PRRG1: variants seen among roughly 807,000 people sequenced by gnomAD.
PRRG1 encodes the protein proline rich and Gla domain 1, also known as transmembrane gamma-carboxyglutamic acid protein 1.
Under a neutral mutation model 11.8 loss-of-function variants are expected in PRRG1, and 5 were observed. That is an observed-to-expected ratio of 0.42 (90% CI 0.22 to 0.89). The LOEUF (loss-of-function observed/expected upper bound fraction) is 0.89. PRRG1 is among the 40% of genes least tolerant of loss of function. PRRG1 has a pLI of 0.28. For synonymous variants in PRRG1, 66 were observed against 60.4 expected, an observed-to-expected ratio of 1.09 and a Z score of -0.43; for missense variants, 155 against 166.1, an observed-to-expected ratio of 0.93 and a Z score of 0.37.
Position 37,406,508 on chromosome X carries a change from A to G in PRRG1, c.10+249A>G, listed in dbSNP as rs782654421. Among the ~76,000 whole-genome samples, 7 of 109,656 alleles carry G rather than the reference A, an allele frequency of 6.4e-5. No homozygotes were observed. The East Asian group carries it at 2.0e-3, about 31-fold the overall frequency. On this transcript the variant is annotated intron_variant, in intron 2 of 3. Transcript: ENST00000378628. ...GGAGAGATGGATCAAGCTTGATACTATATATATAGTATATACTATTTTATA... is the reference window on the plus strand; with the variant it reads ...GGAGAGATGGATCAAGCTTGATACTGTATATATAGTATATACTATTTTATA...
chrX:37,416,869 T>C (rs1556385368), intron 2 of PRRG1, among the ~76,000 whole-genome samples: 1 of 111,946 alleles, frequency 8.9e-6, no homozygotes, highest in East Asian at 2.8e-4. Flanking sequence ...TGCCTTCCTC[T>C]GTGGGAGAAT....
chrX:37,392,591 G>A (rs1392011228), intron 1 of PRRG1, among the ~76,000 whole-genome samples: 5 of 102,939 alleles, frequency 4.9e-5, no homozygotes, highest in African/African-American at 1.4e-4. Flanking sequence ...CTGGGAGGCA[G>A]AGGCTGCAGT....
At chrX:37,412,244 C>T (rs782355153) in intron 2 of PRRG1, among the ~76,000 whole-genome samples, 4 of 111,655 alleles carry the variant, frequency 3.6e-5, no homozygotes, top group Non-Finnish European at 7.5e-5. Flanking sequence ...GGAACTCAAA[C>T]ATATCCCCCT....
At chrX:37,436,206 G>A (rs1256833785) in intron 3 of PRRG1, among the ~76,000 whole-genome samples, 2 of 110,989 alleles carry the variant, frequency 1.8e-5, no homozygotes, top group African/African-American at 6.6e-5. Flanking sequence ...CTTTTGTCTG[G>A]GTGCATCATC....
At chrX:37,381,548 C>G (rs782131109) in intron 1 of PRRG1, among the ~76,000 whole-genome samples, 32 of 111,332 alleles carry the variant, frequency 2.9e-4, no homozygotes, top group Non-Finnish European at 5.5e-4. Context: ...GCATTGGCTA[C>G]TAGGAGGTTT....
Position 37,438,430 on chromosome X carries a change from C to CTT in PRRG1, c.171+12452_171+12453dup, listed in dbSNP as rs782783420. Reference sequence around the variant, plus strand: ...GATTCGTTGAAAGCAGAATTTTTTCCTTTTTTTTTTTTTTTTTTTTTTTGA... The same window carrying CTT: ...GATTCGTTGAAAGCAGAATTTTTTCCTTTTTTTTTTTTTTTTTTTTTTTTTGA... On this transcript the variant is annotated intron_variant, in intron 3 of 3. Coordinates refer to ENST00000378628, the MANE Select transcript of PRRG1 (RefSeq NM_001142395.2). Among the ~76,000 whole-genome samples, 283 of 68,921 alleles carry CTT rather than the reference C, an allele frequency of 4.1e-3. 2 individuals are homozygous for CTT. The highest frequency in any genetic ancestry group is 0.012 in the African/African-American group (208 of 17,233). 59.8% of individuals were successfully genotyped at this position (68,921 alleles called of 115,157 possible).
At chrX:37,430,709 GTTT>G (rs1366053004) in intron 3 of PRRG1, among the ~76,000 whole-genome samples, 1 of 111,401 alleles carries the variant, frequency 9.0e-6, no homozygotes, top group Non-Finnish European at 1.9e-5. Flanking sequence ...CCTTTACTCA[GTTT>G]CCCCCAATGG....
chrX:37,388,777 C>T (rs1931420500), intron 1 of PRRG1, among the ~76,000 whole-genome samples: 1 of 112,937 alleles, frequency 8.9e-6, no homozygotes, highest in South Asian at 3.6e-4. Context: ...TATTTGGTTT[C>T]TTTCCACTTC....
At position 37,456,538 on chromosome X, in the gene PRRG1, G is replaced by C. The variant is rs1256865218; in HGVS notation, c.*2917G>C. 1.8e-5 allele frequency: 2 copies of C among 112,111 alleles called. No individual in the cohort carries two copies. Among genetic ancestry groups the C allele is most frequent in the Admixed American group, 9.4e-5 (1 of 10,597 alleles). 9.2% of individuals were successfully genotyped at this position (112,111 alleles called of 1,213,427 possible). On this transcript the variant is annotated 3_prime_UTR_variant, in exon 4 of 4. Transcript: ENST00000378628. The stretch of plus-strand genomic sequence containing the variant: ...ATCAGCCACAGATCTCATGGTGGCT[G>C]TTGCATGATAATGATAGGATAAACA...
chrX:37,449,933 G>A (rs940920430), intron 3 of PRRG1, among the ~76,000 whole-genome samples: 3 of 112,410 alleles, frequency 2.7e-5, no homozygotes, highest in African/African-American at 9.7e-5. Context: ...GAAATTACTT[G>A]TTTGAATGAT....
intron 1 of PRRG1, among the ~76,000 whole-genome samples, chrX:37,398,579 C>T (rs1288842991): frequency 4.5e-5 from 5 of 112,352 alleles, no homozygotes; most frequent in Admixed American, 9.4e-5. Context: ...AGCGCCTTTC[C>T]TCCTCCAAAG....
At chrX:37,351,763 T>C (rs1930075703) in intron 1 of PRRG1, among the ~76,000 whole-genome samples, 1 of 112,153 alleles carries the variant, frequency 8.9e-6, no homozygotes, top group African/African-American at 3.2e-5. Context: ...CAGTTTCTGA[T>C]ACTGAAACTA....
At chrX:37,402,049 G>A (rs1225548069) in intron 1 of PRRG1, among the ~76,000 whole-genome samples, 1 of 111,562 alleles carries the variant, frequency 9.0e-6, no homozygotes, top group Non-Finnish European at 1.9e-5. Context: ...TCATGAAAAT[G>A]GCCATACTGC....
At chrX:37,370,946 A>G (rs2146529689) in intron 1 of PRRG1, among the ~76,000 whole-genome samples, 1 of 111,424 alleles carries the variant, frequency 9.0e-6, no homozygotes, top group South Asian at 3.9e-4. Flanking sequence ...GGCACCCTTC[A>G]GCACAAACAG....
intron 2 of PRRG1, among the ~76,000 whole-genome samples, chrX:37,414,097 G>C (rs951734738): frequency 9.0e-6 from 1 of 111,673 alleles, no homozygotes; most frequent in African/African-American, 3.3e-5. Flanking sequence ...GCCGTTAAGC[G>C]ACACATGACC....
rs547552430 is a variant in PRRG1 at position 37,416,444 on chromosome X, C to A, written c.11-9396C>A. Among the ~76,000 whole-genome samples the A allele has an allele frequency of 2.7e-5, 3 of 112,086 alleles. 1 individual carries two copies. The South Asian group carries it at 1.1e-3, about 42-fold the overall frequency. On this transcript the variant is annotated intron_variant, in intron 2 of 3. Transcript: ENST00000378628. ...TGGTGATTATTAGTCACAGCTATTA[C>A]CATAGTCTTCTATATGAGATAGAAT...
At position 37,453,873 on chromosome X, in the gene PRRG1, A is replaced by G; in HGVS notation, c.*252A>G. ...GTCTTTCTGTGATGTGATGAGACATACATGTAAGTGTATATATGTGTGTAT... is the reference window on the plus strand; with the variant it reads ...GTCTTTCTGTGATGTGATGAGACATGCATGTAAGTGTATATATGTGTGTAT... On this transcript the variant is annotated 3_prime_UTR_variant, in exon 4 of 4. Coordinates refer to ENST00000378628, the MANE Select transcript of PRRG1 (RefSeq NM_001142395.2). 3.1e-6 allele frequency: 1 copy of G among 318,295 alleles called. No homozygotes were observed. The highest frequency in any genetic ancestry group is 7.4e-5 in the South Asian group (1 of 13,602). 26.2% of individuals were successfully genotyped at this position (318,295 alleles called of 1,213,427 possible).
intron 1 of PRRG1, among the ~76,000 whole-genome samples, chrX:37,395,545 G>A (rs1378981669): frequency 9.3e-6 from 1 of 107,803 alleles, no homozygotes; most frequent in Non-Finnish European, 1.9e-5. Flanking sequence ...AACCCGGGAG[G>A]CGGAGGTTGC....
chrX:37,431,298 A>C (rs1327572364), intron 3 of PRRG1, among the ~76,000 whole-genome samples: 3 of 112,084 alleles, frequency 2.7e-5, no homozygotes, highest in African/African-American at 9.7e-5. Flanking sequence ...GTATATGTGT[A>C]GTTTTTTAAG....
Sources: allele counts gnomAD v4.1 joint callset (sites outside exome capture counted in the v4.1 genomes callset), GRCh38; gene constraint gnomAD v4.1.1; transcripts MANE v1.5; gene names NCBI Gene and HGNC (gene_info 2026-07-23, HGNC 2026-07-21).